USP32: variants seen among roughly 807,000 people sequenced by gnomAD.
The protein encoded by USP32 is ubiquitin specific peptidase 32.
USP32 carries 59 observed loss-of-function variants against 204.8 expected under a neutral mutation model. The observed-to-expected ratio is 0.29, with a 90% confidence interval of 0.23 to 0.36. The LOEUF is 0.36. Among genes scored for constraint, USP32 ranks in the 10% least tolerant of loss-of-function variants. The pLI is 1.00. For missense variants in USP32, 1,160 were observed against 1,946.4 expected, an observed-to-expected ratio of 0.60 and a Z score of 7.60; for synonymous variants, 517 against 678.4, an observed-to-expected ratio of 0.76 and a Z score of 3.70.
At chr17:60,409,839 A>C (rs1004531803) in intron 1 of USP32, among the ~76,000 whole-genome samples, 14 of 152,190 alleles carry the variant, frequency 9.2e-5, no homozygotes, top group African/African-American at 3.4e-4. Flanking sequence ...CATAAGCTTA[A>C]AAAAATCACA....
chr17:60,244,678 C>G (rs527582157), intron 11 of USP32, among the ~76,000 whole-genome samples: 9 of 152,320 alleles, frequency 5.9e-5, no homozygotes, highest in African/African-American at 2.2e-4. Flanking sequence ...GTCGCCCAGG[C>G]TGGAGAGCAG....
At chr17:60,288,973 A>C (rs2087194455) in intron 4 of USP32, among the ~76,000 whole-genome samples, 1 of 152,196 alleles carries the variant, frequency 6.6e-6, no homozygotes, top group Non-Finnish European at 1.5e-5. Context: ...TTTGCTAAGT[A>C]TATCCCAAAA....
At chr17:60,284,100 A>G (rs8064588) in intron 5 of USP32, among the ~76,000 whole-genome samples, 32,362 of 152,112 alleles carry the variant, frequency 0.21, 8,512 homozygotes, top group African/African-American at 0.62. Context: ...AGATGTTAGG[A>G]GGTACATGAA....
At chr17:60,184,271 T>C (rs941741163) in intron 30 of USP32, among the ~76,000 whole-genome samples, 1 of 147,766 alleles carries the variant, frequency 6.8e-6, no homozygotes, top group African/African-American at 2.5e-5. Flanking sequence ...ACTGAGATGG[T>C]GCCACTGCAC....
intron 3 of USP32, among the ~76,000 whole-genome samples, chr17:60,300,138 G>C (rs756543451): frequency 1.3e-5 from 2 of 152,116 alleles, no homozygotes; most frequent in Non-Finnish European, 2.9e-5. Flanking sequence ...AGCATATGGT[G>C]TTCAAGAATA....
intron 11 of USP32, among the ~76,000 whole-genome samples, chr17:60,238,476 T>A (rs1160290479): frequency 1.3e-5 from 2 of 152,026 alleles, no homozygotes; most frequent in Non-Finnish European, 2.9e-5. Flanking sequence ...AAGACCAGCC[T>A]GGGCAACATG....
intron 2 of USP32, among the ~76,000 whole-genome samples, chr17:60,317,595 G>A (rs1164827663): frequency 3.4e-5 from 5 of 149,148 alleles, no homozygotes; most frequent in Non-Finnish European, 7.4e-5. Flanking sequence ...CAGGAAGATC[G>A]CTTAATGCCA....
At chr17:60,333,883 G>T (rs1024239388) in intron 2 of USP32, among the ~76,000 whole-genome samples, 1 of 152,076 alleles carries the variant, frequency 6.6e-6, no homozygotes, top group African/African-American at 2.4e-5. Context: ...TCTACTTTAC[G>T]TATCAAACAA....
At chr17:60,387,953 G>A (rs950757442) in intron 1 of USP32, among the ~76,000 whole-genome samples, 2 of 151,954 alleles carry the variant, frequency 1.3e-5, no homozygotes, top group Non-Finnish European at 2.9e-5. Flanking sequence ...CTGCACCATC[G>A]TAAAGTTAAA....
intron 1 of USP32, among the ~76,000 whole-genome samples, chr17:60,399,761 A>C (rs761891812): frequency 4.6e-5 from 7 of 152,122 alleles, no homozygotes; most frequent in Non-Finnish European, 8.8e-5. Context: ...TTGGAAGGAG[A>C]GAATGAAGCA....
intron 1 of USP32, among the ~76,000 whole-genome samples, chr17:60,361,514 G>C (rs1414300915): frequency 6.6e-6 from 1 of 152,096 alleles, no homozygotes; most frequent in East Asian, 1.9e-4. Context: ...TACATACAGA[G>C]AGTGCTTCTC....
chr17:60,294,645 T>C (rs779213793), intron 4 of USP32, 38 bp downstream of exon 4: 1 of 1,377,998 alleles, frequency 7.3e-7, no homozygotes, highest in Admixed American at 1.9e-5. Context: ...TAATACTTTG[T>C]CAATGAAAAG....
chr17:60,281,272 C>T (rs1170236058), intron 5 of USP32, among the ~76,000 whole-genome samples: 1 of 152,256 alleles, frequency 6.6e-6, no homozygotes, highest in Non-Finnish European at 1.5e-5. Context: ...GGTGCAGTGG[C>T]TCACGCCTGT....
At chr17:60,180,867 CTAT>C (rs35652936) in intron 32 of USP32, among the ~76,000 whole-genome samples, 25,480 of 147,390 alleles carry the variant, frequency 0.17, 3,426 homozygotes, top group African/African-American at 0.38. Context: ...ATTGTAATTA[CTAT>C]TATTATTATT....
rs1200416040 is a variant in USP32, at chr17:60,265,431, T to G, written c.971A>C (p.Asn324Thr). The change falls in exon 9 of 34, where the codon AAT becomes ACT. Residue 324 changes from asparagine to threonine, a missense_variant. Coordinates refer to ENST00000300896, the MANE Select transcript of USP32 (RefSeq NM_032582.4). Reference sequence around the variant, plus strand: ...ACTCACCTTTGTGGTGTCATGTGCATTCAGTATGCCTTCTACAATATCAGA... The same window carrying G: ...ACTCACCTTTGTGGTGTCATGTGCAGTCAGTATGCCTTCTACAATATCAGA... ...DLSDIVEGILNAHDTTKMGHL... is the reference protein window; with the variant it reads ...DLSDIVEGILTAHDTTKMGHL... The G allele has an allele frequency of 2.5e-6, 4 of 1,606,756 alleles. No homozygotes were observed. Among genetic ancestry groups the G allele is most frequent in the Non-Finnish European group, 3.4e-6 (4 of 1,174,566 alleles).
intron 2 of USP32, among the ~76,000 whole-genome samples, chr17:60,336,913 A>C (rs1195990687): frequency 6.6e-6 from 1 of 152,176 alleles, no homozygotes; most frequent in East Asian, 1.9e-4. Context: ...CAAGATCAAG[A>C]TATACCGTAA....
chr17:60,272,281 A>C (rs1345979124), intron 5 of USP32, among the ~76,000 whole-genome samples: 1 of 152,244 alleles, frequency 6.6e-6, no homozygotes, highest in Non-Finnish European at 1.5e-5. Context: ...GAAAAAAGTC[A>C]GCACTGACAG....
rs541327071 is a variant in USP32, at chr17:60,247,109, C to A, written c.1136+5272G>T. Among the ~76,000 whole-genome samples, 11 of 152,308 alleles carry A rather than the reference C, an allele frequency of 7.2e-5. No homozygotes were observed. In the South Asian group the frequency reaches 1.4e-3, roughly 20 times the overall value. ...ATTATACAGTGTCATACCACTCAGACAAATGTCCTACAGCATTTCCCCAAT... is the reference window on the plus strand; with the variant it reads ...ATTATACAGTGTCATACCACTCAGAAAAATGTCCTACAGCATTTCCCCAAT... On this transcript the variant is annotated intron_variant, in intron 11 of 33. Coordinates refer to ENST00000300896, the MANE Select transcript of USP32 (RefSeq NM_032582.4).
At chr17:60,195,895 T>G (rs1307839589) in intron 27 of USP32, among the ~76,000 whole-genome samples, 1 of 152,200 alleles carries the variant, frequency 6.6e-6, no homozygotes, top group African/African-American at 2.4e-5. Flanking sequence ...ATTCCTGTCT[T>G]TTCTTGCCAA....
Sources: gnomAD v4.1 joint callset for allele counts (sites outside exome capture counted in the v4.1 genomes callset) on GRCh38, gnomAD v4.1.1 for gene constraint, MANE v1.5 for transcripts, NCBI Gene and HGNC (gene_info 2026-07-23, HGNC 2026-07-21) for gene names.